Variants in NBAS observed in about 807,000 individuals in gnomAD.
The protein encoded by NBAS is NAG/BC035112 fusion.
A neutral mutation model predicts 302.5 loss-of-function variants in NBAS; 219 were observed. The ratio of observed to expected loss-of-function variants is 0.72; its 90% CI spans 0.65 to 0.81. NBAS has a LOEUF of 0.81. Among genes scored for constraint, NBAS ranks in the 30% least tolerant of loss-of-function variants. The pLI is 0.00. For missense variants in NBAS, 2,932 were observed against 2,841.6 expected (o/e 1.03, Z -0.72); for synonymous variants, 1,118 against 1,021.6 (o/e 1.09, Z -1.80).
the NBAS span, among the ~76,000 whole-genome samples, chr2:14,839,271 C>T: frequency 5.1e-3 from 771 of 152,110 alleles, 5 homozygotes; most frequent in African/African-American, 0.017. Flanking sequence ...CCCAATCTAT[C>T]TGGCACCAAG....
the NBAS span, among the ~76,000 whole-genome samples, chr2:15,124,216 A>G: frequency 6.6e-6 from 1 of 152,168 alleles, no homozygotes; most frequent in East Asian, 1.9e-4. Flanking sequence ...TATGGTACCC[A>G]GTGGAAGAAA....
intron 16 of NBAS, among the ~76,000 whole-genome samples, chr2:15,469,916 C>G (rs1025130767): frequency 1.3e-5 from 2 of 151,636 alleles, no homozygotes; most frequent in Non-Finnish European, 2.9e-5. Context: ...CAGCACACCA[C>G]CATGGCACAT....
At chr2:15,543,492 C>T (rs10184925) in intron 6 of NBAS, among the ~76,000 whole-genome samples, 17,347 of 152,156 alleles carry the variant, frequency 0.11, 2,901 homozygotes, top group African/African-American at 0.36. Flanking sequence ...GTTGATAAGA[C>T]ATATCTGAGA....
At chr2:15,376,223 C>A (rs924847363) in intron 30 of NBAS, among the ~76,000 whole-genome samples, 1 of 152,012 alleles carries the variant, frequency 6.6e-6, no homozygotes, top group African/African-American at 2.4e-5. Flanking sequence ...TAACTGTGAA[C>A]ACTGAAATAC....
chr2:15,000,513 T>C, the NBAS span, among the ~76,000 whole-genome samples: 2 of 152,184 alleles, frequency 1.3e-5, no homozygotes, highest in South Asian at 4.2e-4. Context: ...ACCGAGAGTC[T>C]AGTCATAGAT....
At chr2:14,887,829 T>C in the NBAS span, among the ~76,000 whole-genome samples, 2 of 152,218 alleles carry the variant, frequency 1.3e-5, no homozygotes, top group African/African-American at 4.8e-5. Flanking sequence ...TCCCACAGTC[T>C]GGCCAGCTTT....
intron 6 of NBAS, among the ~76,000 whole-genome samples, chr2:15,543,689 T>A (rs1361020010): frequency 6.6e-6 from 1 of 152,140 alleles, no homozygotes; most frequent in Non-Finnish European, 1.5e-5. Flanking sequence ...TCGTGAGACT[T>A]ATTCACTATC....
chr2:15,355,890 A>G (rs1455820302), intron 33 of NBAS, among the ~76,000 whole-genome samples: 1 of 152,174 alleles, frequency 6.6e-6, no homozygotes, highest in Non-Finnish European at 1.5e-5. Context: ...GTATTTCTTT[A>G]TAGCAGTGTG....
At chr2:14,863,221 T>G in the NBAS span, among the ~76,000 whole-genome samples, 2 of 152,196 alleles carry the variant, frequency 1.3e-5, no homozygotes, top group African/African-American at 4.8e-5. Context: ...GGCCATTGGT[T>G]GTCATGCATG....
At chr2:14,983,221 G>A in the NBAS span, among the ~76,000 whole-genome samples, 3 of 152,362 alleles carry the variant, frequency 2.0e-5, no homozygotes, top group East Asian at 3.9e-4. Flanking sequence ...CCTGACACAT[G>A]TGAGTGCATG....
the NBAS span, among the ~76,000 whole-genome samples, chr2:14,790,648 C>A: frequency 7.3e-6 from 1 of 137,088 alleles, no homozygotes; most frequent in African/African-American, 3.1e-5. Flanking sequence ...AGAATTCATG[C>A]CTTTTTTTTT....
chr2:15,535,140 T>C (rs1663421069), intron 8 of NBAS, among the ~76,000 whole-genome samples: 1 of 152,190 alleles, frequency 6.6e-6, no homozygotes, highest in African/African-American at 2.4e-5. Flanking sequence ...GAGTACATAC[T>C]ACAGTCATTC....
At chr2:15,337,808 ATTTCT>A (rs1672660137) in intron 35 of NBAS, among the ~76,000 whole-genome samples, 1 of 152,212 alleles carries the variant, frequency 6.6e-6, no homozygotes, top group Non-Finnish European at 1.5e-5. Context: ...AAGAAAATAG[ATTTCT>A]TTTAACTTCA....
At chr2:14,865,482 A>G in the NBAS span, among the ~76,000 whole-genome samples, 1 of 152,196 alleles carries the variant, frequency 6.6e-6, no homozygotes, top group South Asian at 2.1e-4. Flanking sequence ...GTCAGTAAGC[A>G]TAGCTCCTTT....
At position 15,408,744 on chromosome 2, in the gene NBAS, CAT is replaced by C. The variant is rs1676542782; in HGVS notation, c.2938-6445_2938-6444del. Among the ~76,000 whole-genome samples, 3 of 152,240 alleles carry C rather than the reference CAT, an allele frequency of 2.0e-5. No homozygotes were observed. In the South Asian group the frequency reaches 6.2e-4, roughly 32 times the overall value. On this transcript the variant is annotated intron_variant, in intron 25 of 51. Transcript: ENST00000281513. ...CCCTAATGCATCAGTAAATAAGAAA[CAT>C]ATAATGTGAGCAAGCTAATTAACTA...
chr2:15,422,812 C>CA (rs1383189569), intron 23 of NBAS, among the ~76,000 whole-genome samples: 1 of 152,132 alleles, frequency 6.6e-6, no homozygotes, highest in Non-Finnish European at 1.5e-5. Context: ...TATAAATACT[C>CA]AAACACAGAC....
At chr2:14,873,054 C>A in the NBAS span, among the ~76,000 whole-genome samples, 1 of 152,196 alleles carries the variant, frequency 6.6e-6, no homozygotes, top group Non-Finnish European at 1.5e-5. Flanking sequence ...CGGCAGGTGG[C>A]CGAGGCTAGC....
chr2:15,292,979 C>T (rs1670379433), intron 40 of NBAS, among the ~76,000 whole-genome samples: 1 of 152,058 alleles, frequency 6.6e-6, no homozygotes. Context: ...AGAACTAGGC[C>T]CAAAAACAGC....
At chr2:15,409,121 T>C (rs879501853) in intron 25 of NBAS, among the ~76,000 whole-genome samples, 100 of 152,342 alleles carry the variant, frequency 6.6e-4, no homozygotes, top group African/African-American at 2.3e-3. Context: ...TATTATTTCA[T>C]TGTCTGCTGG....
Sources: allele counts gnomAD v4.1 joint callset (sites outside exome capture counted in the v4.1 genomes callset), GRCh38; gene constraint gnomAD v4.1.1; transcripts MANE v1.5; gene names NCBI Gene and HGNC (gene_info 2026-07-23, HGNC 2026-07-21).